Variants in NID2 observed in about 807,000 individuals in gnomAD.
NID2 encodes nidogen-2.
In NID2, 83 loss-of-function variants were observed where a neutral mutation model predicts 145.4. That is an observed-to-expected ratio of 0.57 (90% CI 0.48 to 0.69). The LOEUF (loss-of-function observed/expected upper bound fraction) is 0.69. Ranked by LOEUF, NID2 falls within the 30% of genes least tolerant of loss-of-function variation. The pLI is 0.00. For synonymous variants in NID2, 739 were observed against 701.3 expected (o/e 1.05, Z -0.85); for missense variants, 1,807 against 1,765.7 (o/e 1.02, Z -0.42).
At position 52,042,307 on chromosome 14, in the gene NID2, G is replaced by A. The variant is rs758077877; in HGVS notation, c.1623C>T (p.His541=). The stretch of plus-strand genomic sequence containing the variant: ...TGAAGTGCACGGGTGTATGGCCCAC[G>A]TGGAGGTGGCCACTCACTTTCCCAT... ...RVNGKVSGHL[H]VGHTPVHFTD... is the part of the protein sequence containing the mutation. Residue 541 remains histidine, a synonymous_variant, in exon 7 of 22, where the codon CAC becomes CAT. Coordinates refer to ENST00000216286, the MANE Select transcript of NID2 (RefSeq NM_007361.4). The A allele has an allele frequency of 1.9e-5, 30 of 1,613,512 alleles. No individual in the cohort carries two copies. The highest frequency in any genetic ancestry group is 4.5e-5 in the East Asian group (2 of 44,886).
intron 14 of NID2, among the ~76,000 whole-genome samples, chr14:52,016,904 C>G (rs1298369927): frequency 1.3e-5 from 2 of 152,182 alleles, no homozygotes; most frequent in Non-Finnish European, 2.9e-5. Flanking sequence ...CCAACTAGCT[C>G]TAGCTCAACT....
chr14:52,021,114 AAGG>A (rs1427909187), intron 12 of NID2, among the ~76,000 whole-genome samples: 1 of 152,192 alleles, frequency 6.6e-6, no homozygotes, highest in East Asian at 1.9e-4. Flanking sequence ...TTCAGAGTAA[AAGG>A]AGGATAAACA....
chr14:52,041,264 G>C (rs1892270254), intron 7 of NID2, among the ~76,000 whole-genome samples: 1 of 152,074 alleles, frequency 6.6e-6, no homozygotes, highest in African/African-American at 2.4e-5. Context: ...TGAAATATGT[G>C]GGTAATACTT....
At chr14:52,056,499 A>G (rs1163690611) in intron 3 of NID2, among the ~76,000 whole-genome samples, 1 of 152,154 alleles carries the variant, frequency 6.6e-6, no homozygotes, top group African/African-American at 2.4e-5. Context: ...AAACCACATT[A>G]AAATGCCTAG....
rs765769586 is a variant in NID2 at position 52,069,040 on chromosome 14, C to A, written c.-46G>T. 1 of 1,474,078 alleles carries A rather than the reference C, an allele frequency of 6.8e-7. No individual in the cohort carries two copies. Among genetic ancestry groups the A allele is most frequent in the African/African-American group, 1.4e-5 (1 of 72,644 alleles). The allele number at this position is 1,474,078 out of a possible 1,614,324, so 91.3% of individuals were successfully genotyped here. A position where few individuals can be genotyped will look rare whatever the true frequency, so the allele number is the denominator to read the frequency against. On this transcript the variant is annotated 5_prime_UTR_variant, in exon 1 of 22. Transcript: ENST00000216286. Reference sequence around the variant, plus strand: ...ACCCGCTGCACAACGCGTCCCGCCCCGGCCTCCAGCCCACTCTCCGCGCCG... The same window carrying A: ...ACCCGCTGCACAACGCGTCCCGCCCAGGCCTCCAGCCCACTCTCCGCGCCG...
chr14:52,014,154 G>T, intron 16 of NID2, 133 bp downstream of exon 16: 1 of 1,149,380 alleles, frequency 8.7e-7, no homozygotes, highest in Non-Finnish European at 1.3e-6. Context: ...TCGGGCCCAT[G>T]CCGATGGGCT....
chr14:52,014,191 C>G (rs1428102264), intron 16 of NID2, 96 bp downstream of exon 16: 1 of 1,514,916 alleles, frequency 6.6e-7, no homozygotes, highest in Admixed American at 1.7e-5. Flanking sequence ...CCAGGACTTC[C>G]CTGCACCAGT....
intron 3 of NID2, among the ~76,000 whole-genome samples, chr14:52,055,323 T>C (rs1595051790): frequency 6.6e-6 from 1 of 152,324 alleles, no homozygotes; most frequent in East Asian, 1.9e-4. Context: ...TTATCATTAC[T>C]CTACAGAATA....
intron 2 of NID2, among the ~76,000 whole-genome samples, chr14:52,061,705 G>A (rs1325137548): frequency 6.6e-6 from 1 of 152,108 alleles, no homozygotes; most frequent in African/African-American, 2.4e-5. Context: ...GTCCTTATAG[G>A]ATCACTCCTT....
intron 5 of NID2, among the ~76,000 whole-genome samples, chr14:52,043,613 G>A (rs183567410): frequency 6.6e-6 from 1 of 152,208 alleles, no homozygotes; most frequent in Non-Finnish European, 1.5e-5. Context: ...GGCCCCACTC[G>A]CAGATCTTCC....
In NID2 at chr14:52,066,167, C is replaced by A. The variant is rs190210770; in HGVS notation, c.534+1691G>T. 3.0e-3 allele frequency among the ~76,000 whole-genome samples: 451 copies of A among 152,090 alleles called. 3 individuals carry two copies. Among genetic ancestry groups the A allele is most frequent in the African/African-American group, 0.01 (434 of 41,482 alleles). ...TTTACAAATCTCTTCTACCCTAAACCTCCCCCACCCCAGAAAAGGACCAGA... is the reference window on the plus strand; with the variant it reads ...TTTACAAATCTCTTCTACCCTAAACATCCCCCACCCCAGAAAAGGACCAGA... On this transcript the variant is annotated intron_variant, in intron 2 of 21. Transcript: ENST00000216286.
chr14:52,012,401 C>G (rs759270697), intron 16 of NID2, among the ~76,000 whole-genome samples: 1 of 152,084 alleles, frequency 6.6e-6, no homozygotes, highest in Non-Finnish European at 1.5e-5. Flanking sequence ...CCCAGGAGTT[C>G]GAGACTGAGC....
intron 18 of NID2, chr14:52,009,979 C>G (rs544866870): frequency 2.0e-4 from 30 of 151,664 alleles, no homozygotes; most frequent in Admixed American, 8.5e-4. Context: ...AAAGCAAGAC[C>G]TTGTCTCAAA....
chr14:52,021,253 G>A (rs1229842849), intron 12 of NID2, among the ~76,000 whole-genome samples: 1 of 152,072 alleles, frequency 6.6e-6, no homozygotes, highest in Non-Finnish European at 1.5e-5. Flanking sequence ...GGTGTGATCA[G>A]TGTGAAACCT....
chr14:52,029,151 C>G (rs965586945), intron 10 of NID2, among the ~76,000 whole-genome samples: 4 of 152,012 alleles, frequency 2.6e-5, no homozygotes, highest in African/African-American at 9.7e-5. Context: ...TTTTTAATAT[C>G]AAGAAATTTC....
chr14:52,065,634 C>T (rs1405591020), intron 2 of NID2, among the ~76,000 whole-genome samples: 4 of 114,588 alleles, frequency 3.5e-5, no homozygotes, highest in South Asian at 3.3e-4. Context: ...AGGTATATCT[C>T]CCAATGCTAT....
At position 52,053,818 on chromosome 14, in the gene NID2, G is replaced by T. The variant is rs994060417; in HGVS notation, c.1190C>A (p.Pro397Gln). The change falls in exon 5 of 22, where the codon CCA (proline) becomes CAA (glutamine). Residue 397 changes from proline to glutamine, a missense_variant. Pro to Gln is a moderately conservative substitution (Grantham distance 76). Transcript: ENST00000216286. ...AGCCAGTGAATCTCTGTCTACCTCT[G>T]GTGGAGCTGGGCTTCTGGTCTCTCT... is the stretch of plus-strand genomic sequence containing the variant. ...DERETRSPAP[P>Q]EVDRDSLAPS... 1.2e-6 allele frequency: 2 copies of T among 1,614,046 alleles called. No individual in the cohort carries two copies. The highest frequency in any genetic ancestry group is 8.5e-7 in the Non-Finnish European group (1 of 1,180,014).
At position 52,053,909 on chromosome 14, in the gene NID2, C is replaced by G; in HGVS notation, c.1099G>C (p.Glu367Gln). ...ESSTLDPHTK[E>Q]GTSLGEVGGP... ...CCTACCTCTCCCAGAGATGTTCCTT[C>G]TTTGGTGTGAGGATCCAAGGTGGAA... Residue 367 changes from glutamate to glutamine, a missense_variant, in exon 5 of 22, where the codon GAA becomes CAA. Transcript: ENST00000216286. 15 of 1,613,886 alleles carry G rather than the reference C, an allele frequency of 9.3e-6. No homozygotes were observed. The highest frequency in any genetic ancestry group is 1.3e-5 in the Non-Finnish European group (15 of 1,179,914).
chr14:52,018,530 G>A (rs192178876), intron 14 of NID2, among the ~76,000 whole-genome samples: 1 of 152,344 alleles, frequency 6.6e-6, no homozygotes, highest in East Asian at 1.9e-4. Flanking sequence ...GAGATGTTGG[G>A]CTGGGTTACA....
Sources: allele counts gnomAD v4.1 joint callset (sites outside exome capture counted in the v4.1 genomes callset), GRCh38; gene constraint gnomAD v4.1.1; transcripts MANE v1.5; gene names NCBI Gene and HGNC (gene_info 2026-07-23, HGNC 2026-07-21).